SAMD12: variants seen among roughly 807,000 people sequenced by gnomAD.
The protein encoded by SAMD12 is sterile alpha motif domain-containing protein 12.
A neutral mutation model predicts 15.0 loss-of-function variants in SAMD12; 9 were observed. The ratio of observed to expected loss-of-function variants is 0.60; its 90% CI spans 0.36 to 1.05. The LOEUF is 1.05. SAMD12 is among the 50% of genes least tolerant of loss of function. SAMD12 has a pLI of 0.01. For missense variants in SAMD12, 230 were observed against 234.2 expected, an observed-to-expected ratio of 0.98 and a Z score of 0.12; for synonymous variants, 86 against 90.1, an observed-to-expected ratio of 0.96 and a Z score of 0.25.
At chr8:118,460,135 C>T (rs1823372604) in intron 2 of SAMD12, among the ~76,000 whole-genome samples, 1 of 152,194 alleles carries the variant, frequency 6.6e-6, no homozygotes, top group Non-Finnish European at 1.5e-5. Context: ...TATTGTCCTT[C>T]ACAAAGGATC....
chr8:118,438,132 G>T (rs1464081635), intron 3 of SAMD12, among the ~76,000 whole-genome samples: 1 of 152,180 alleles, frequency 6.6e-6, no homozygotes, highest in Admixed American at 6.6e-5. Flanking sequence ...GAAAATGAAT[G>T]TAGACACTTG....
intron 2 of SAMD12, among the ~76,000 whole-genome samples, chr8:118,496,441 GA>G (rs1299857911): frequency 6.6e-6 from 1 of 151,982 alleles, no homozygotes; most frequent in Non-Finnish European, 1.5e-5. Context: ...TCTAATCTTC[GA>G]CAAAGTCAAC....
At chr8:118,307,362 C>A (rs118050052) in intron 4 of SAMD12, among the ~76,000 whole-genome samples, 28 of 152,268 alleles carry the variant, frequency 1.8e-4, no homozygotes, top group Non-Finnish European at 3.2e-4. Flanking sequence ...TAGTTGGATG[C>A]GGTGGGGGCC....
chr8:118,376,245 A>G (rs1563808127), downstream of SAMD12, among the ~76,000 whole-genome samples: 1 of 152,148 alleles, frequency 6.6e-6, no homozygotes, highest in African/African-American at 2.4e-5. Flanking sequence ...TGGTTAGTAA[A>G]TATTTGTTAA....
intron 4 of SAMD12, among the ~76,000 whole-genome samples, chr8:118,269,556 C>T (rs1813294576): frequency 6.6e-6 from 1 of 152,140 alleles, no homozygotes; most frequent in Non-Finnish European, 1.5e-5. Flanking sequence ...GCATTGCCTT[C>T]TTGATAGTCT....
At chr8:118,411,828 A>C (rs539237149) in intron 3 of SAMD12, among the ~76,000 whole-genome samples, 1 of 152,182 alleles carries the variant, frequency 6.6e-6, no homozygotes, top group African/African-American at 2.4e-5. Flanking sequence ...CTCAGCTATA[A>C]ACAGAGGCTA....
intron 4 of SAMD12, among the ~76,000 whole-genome samples, chr8:118,199,974 G>A (rs1372547433): frequency 6.6e-6 from 1 of 152,106 alleles, no homozygotes; most frequent in African/African-American, 2.4e-5. Context: ...GGGAGAACCC[G>A]GTGGGAGATA....
At chr8:118,548,569 G>C (rs1163944953) in intron 2 of SAMD12, among the ~76,000 whole-genome samples, 2 of 152,240 alleles carry the variant, frequency 1.3e-5, no homozygotes, top group African/African-American at 4.8e-5. Flanking sequence ...AATAGGAACA[G>C]CTCCAGTCTA....
Position 118,314,342 on chromosome 8 carries a change from C to T in SAMD12, c.433+65218G>A, listed in dbSNP as rs564981810. Among the ~76,000 whole-genome samples, 6 of 152,140 alleles carry T rather than the reference C, an allele frequency of 3.9e-5. No individual in the cohort carries two copies. The East Asian group carries it at 1.2e-3, about 29-fold the overall frequency. On this transcript the variant is annotated intron_variant, in intron 4 of 4. Coordinates refer to the SAMD12 transcript ENST00000409003. ...TCACAGGAAGTTTCAGATAAGTGTA[C>T]AGGGAGGTCCTGTGTGTATCAAAAT...
chr8:118,351,850 G>C (rs1055781630), intron 4 of SAMD12, among the ~76,000 whole-genome samples: 2 of 152,174 alleles, frequency 1.3e-5, no homozygotes, highest in Non-Finnish European at 2.9e-5. Context: ...AATGAGAGCA[G>C]ATTGTCTGAA....
intron 4 of SAMD12, among the ~76,000 whole-genome samples, chr8:118,265,422 A>G (rs1459973301): frequency 6.6e-6 from 1 of 152,110 alleles, no homozygotes; most frequent in Non-Finnish European, 1.5e-5. Context: ...AGGAGTTTAA[A>G]CAGTAGAGAA....
chr8:118,134,686 C>T, the SAMD12 span, among the ~76,000 whole-genome samples: 4 of 152,172 alleles, frequency 2.6e-5, no homozygotes, highest in African/African-American at 4.8e-5. Context: ...CCACTAGCTT[C>T]GGGTATAACC....
At chr8:118,245,437 G>A (rs1461593240) in intron 4 of SAMD12, among the ~76,000 whole-genome samples, 1 of 152,114 alleles carries the variant, frequency 6.6e-6, no homozygotes, top group Non-Finnish European at 1.5e-5. Flanking sequence ...GCCATAAACT[G>A]TCCCAGCCAC....
chr8:118,242,366 A>G (rs1812592134), intron 4 of SAMD12, among the ~76,000 whole-genome samples: 1 of 152,142 alleles, frequency 6.6e-6, no homozygotes. Context: ...TCAGACAAAT[A>G]CCAGTAGTTA....
chr8:118,453,523 G>A (rs1823147534), intron 2 of SAMD12, among the ~76,000 whole-genome samples: 1 of 152,034 alleles, frequency 6.6e-6, no homozygotes, highest in Non-Finnish European at 1.5e-5. Context: ...GTATTTGGGG[G>A]TATTTATTTA....
At chr8:118,153,380 A>C in the SAMD12 span, among the ~76,000 whole-genome samples, 1 of 136,460 alleles carries the variant, frequency 7.3e-6, no homozygotes, top group Non-Finnish European at 1.6e-5. Flanking sequence ...CTAGCATCTC[A>C]TTGGTCAAGC....
At chr8:118,178,477 G>GT in the SAMD12 span, among the ~76,000 whole-genome samples, 6 of 151,702 alleles carry the variant, frequency 4.0e-5, no homozygotes, top group South Asian at 2.1e-4. Flanking sequence ...AAAAAAAATT[G>GT]TTTTTTTTAG....
At chr8:118,299,373 G>T (rs976573330) in intron 4 of SAMD12, among the ~76,000 whole-genome samples, 3 of 152,156 alleles carry the variant, frequency 2.0e-5, no homozygotes, top group African/African-American at 7.2e-5. Context: ...TAGGGTTAAG[G>T]AACAGGGATT....
the SAMD12 span, among the ~76,000 whole-genome samples, chr8:118,160,359 G>T: frequency 6.6e-6 from 1 of 152,148 alleles, no homozygotes; most frequent in Admixed American, 6.5e-5. Context: ...CATAAGACTT[G>T]TAGGGAAATA....
Sources: allele counts gnomAD v4.1 joint callset (sites outside exome capture counted in the v4.1 genomes callset), GRCh38; gene constraint gnomAD v4.1.1; transcripts MANE v1.5; gene names NCBI Gene and HGNC (gene_info 2026-07-23, HGNC 2026-07-21).